The following AXIN1 variants were observed in gnomAD, a reference collection of about 807,000 sequenced individuals.
The protein encoded by AXIN1 is axin 1.
A neutral mutation model predicts 76.4 loss-of-function variants in AXIN1; 30 were observed. The ratio of observed to expected loss-of-function variants is 0.39; its 90% CI spans 0.29 to 0.53. AXIN1 has a LOEUF of 0.53. AXIN1 is among the 20% of genes least tolerant of loss of function. The probability of loss-of-function intolerance (pLI) is 0.66; values close to 1 mark genes in which losing one functional copy is unlikely to be tolerated. For missense variants in AXIN1, 1,140 were observed against 1,198.8 expected (o/e 0.95, Z 0.72); for synonymous variants, 545 against 501.4 (o/e 1.09, Z -1.16).
At chr16:311,055 C>T (rs142425406) in intron 3 of AXIN1, among the ~76,000 whole-genome samples, 1,785 of 152,140 alleles carry the variant, frequency 0.012, 20 homozygotes, top group Non-Finnish European at 0.017. Context: ...CTTTTTGAGA[C>T]GGAGTCTTGC....
chr16:320,165 G>C (rs1190405918), intron 2 of AXIN1, among the ~76,000 whole-genome samples: 1 of 152,044 alleles, frequency 6.6e-6, no homozygotes, highest in East Asian at 1.9e-4. Context: ...TCCCACCTTA[G>C]CTTCCCAGGT....
At position 334,387 on chromosome 16, in the gene AXIN1, A is replaced by T. The variant is rs1420550040; in HGVS notation, c.878+11761T>A. Reference sequence around the variant, plus strand: ...ATAACACAGCACCCAGTACCACAGCATGCCAATAACCCAGCACCCAGTACC... The same window carrying T: ...ATAACACAGCACCCAGTACCACAGCTTGCCAATAACCCAGCACCCAGTACC... On this transcript the variant is annotated intron_variant, in intron 2 of 10. Coordinates refer to ENST00000262320, the MANE Select transcript of AXIN1 (RefSeq NM_003502.4). Among the ~76,000 whole-genome samples the T allele has an allele frequency of 2.0e-5, 3 of 150,720 alleles. 1 individual carries two copies. Among genetic ancestry groups the T allele is most frequent in the African/African-American group, 7.4e-5 (3 of 40,804 alleles).
intron 10 of AXIN1, 121 bp from the exon 11 acceptor site, chr16:288,369 C>T: frequency 1.4e-6 from 2 of 1,443,166 alleles, no homozygotes; most frequent in South Asian, 1.2e-5. Flanking sequence ...TGCCCCACGG[C>T]CCCCACTGCA....
intron 2 of AXIN1, among the ~76,000 whole-genome samples, 189 bp downstream of exon 2, chr16:345,959 A>G (rs2054024713): frequency 6.6e-6 from 1 of 152,260 alleles, no homozygotes; most frequent in Non-Finnish European, 1.5e-5. Context: ...AGTGTTCTCA[A>G]CATTACAAAT....
chr16:298,902 G>A (rs932496272), intron 5 of AXIN1, among the ~76,000 whole-genome samples: 2 of 152,096 alleles, frequency 1.3e-5, no homozygotes, highest in African/African-American at 4.8e-5. Context: ...CCAAGTAGCT[G>A]AGACTACAGG....
Position 328,589 on chromosome 16 carries a change from G to A in AXIN1, c.879-13906C>T, listed in dbSNP as rs369085194. Among the ~76,000 whole-genome samples the A allele has an allele frequency of 2.2e-4, 34 of 151,580 alleles. No individual in the cohort carries two copies. The East Asian group carries it at 2.7e-3, about 12-fold the overall frequency. On this transcript the variant is annotated intron_variant, in intron 2 of 10. Transcript: ENST00000262320. ...CACATGTCTGTAATCCCAGCTACTC[G>A]GGAGGCTGAAGCGGGAGAATCACCT... is the stretch of plus-strand genomic sequence containing the variant.
At chr16:336,166 C>T (rs1287208469) in intron 2 of AXIN1, among the ~76,000 whole-genome samples, 4 of 152,086 alleles carry the variant, frequency 2.6e-5, no homozygotes, top group African/African-American at 4.8e-5. Flanking sequence ...ACCCAGGAGG[C>T]GGAGGTTGCA....
chr16:351,132 C>CA (rs71391129), intron 1 of AXIN1, among the ~76,000 whole-genome samples: 3,142 of 111,290 alleles, frequency 0.028, 200 homozygotes, highest in East Asian at 0.26. Context: ...AACTCTGTCT[C>CA]AAAAAAAAAA....
intron 3 of AXIN1, among the ~76,000 whole-genome samples, chr16:313,816 T>C (rs59493317): frequency 0.21 from 31,304 of 152,154 alleles, 3,558 homozygotes; most frequent in African/African-American, 0.31. Flanking sequence ...GAAGAGGTCA[T>C]AAAACAAGCA....
intron 3 of AXIN1, among the ~76,000 whole-genome samples, chr16:311,663 C>T (rs1023464012): frequency 2.0e-5 from 3 of 151,950 alleles, no homozygotes; most frequent in Admixed American, 6.6e-5. Flanking sequence ...CCCAGCTACT[C>T]GGGAGGCTGA....
chr16:297,915 G>A lies in AXIN1; in HGVS notation c.1591C>T (p.His531Tyr). The change falls in exon 6 of 11, where the codon CAC becomes TAC. Residue 531 changes from histidine to tyrosine, a missense_variant. Transcript: ENST00000262320. ...GAKLDAAGLH[H>Y]HRHVHHHVHH... ...ACGTGGTGGTGGACGTGTCGGTGGTGGTGCAGGCCGGCCGCGTCCAGCTTC... is the reference window on the plus strand; with the variant it reads ...ACGTGGTGGTGGACGTGTCGGTGGTAGTGCAGGCCGGCCGCGTCCAGCTTC... The A allele has an allele frequency of 2.5e-6, 4 of 1,596,900 alleles. No individual in the cohort carries two copies. Among genetic ancestry groups the A allele is most frequent in the Non-Finnish European group, 3.4e-6 (4 of 1,171,114 alleles).
chr16:313,218 C>T (rs2053222821), intron 3 of AXIN1, among the ~76,000 whole-genome samples: 1 of 152,282 alleles, frequency 6.6e-6, no homozygotes, highest in East Asian at 1.9e-4. Context: ...GGCAGAATTG[C>T]TTGGGACCAG....
rs1249674216 is a variant in AXIN1 at position 297,993 on chromosome 16, C to A, written c.1513G>T (p.Ala505Ser). 6.2e-7 allele frequency: 1 copy of A among 1,600,982 alleles called. No individual in the cohort carries two copies. The highest frequency in any genetic ancestry group is 8.5e-7 in the Non-Finnish European group (1 of 1,178,452). ...DSGHVAKMPV[A>S]LGGAASGHGK... is the part of the protein sequence containing the mutation. ...TGCCCCGAGGCGGCACCCCCCAGTG[C>A]CACTGGCATCTTGGCCACGTGCCCA... The change falls in exon 6 of 11, where the codon GCA becomes TCA. Residue 505 changes from alanine to serine, a missense_variant. Ala to Ser is a moderately conservative substitution (Grantham distance 99). Around this residue, in one of 3 missense-constraint regions of AXIN1, gnomAD observed 708 missense variants for 776.9 expected, o/e 0.91. Coordinates refer to ENST00000262320, the MANE Select transcript of AXIN1 (RefSeq NM_003502.4).
At position 287,491 on chromosome 16, in the gene AXIN1, ATAAT is replaced by A. The variant is rs3833913; in HGVS notation, c.*627_*630del. On this transcript the variant is annotated 3_prime_UTR_variant, in exon 11 of 11. Transcript: ENST00000262320. ...TTATTATCCAAGTACCTTTGAAAAG[ATAAT>A]TAATTGTACAAGTGTCATCGCATGA... is the stretch of plus-strand genomic sequence containing the variant. 0.22 allele frequency: 78,142 copies of A among 362,492 alleles called. 10,065 individuals carry two copies. Among genetic ancestry groups the A allele is most frequent in the African/African-American group, 0.4 (19,552 of 48,842 alleles). The allele number at this position is 362,492 out of a possible 1,614,324, so 22.5% of individuals were successfully genotyped here. A position where few individuals can be genotyped will look rare whatever the true frequency, so the allele number is the denominator to read the frequency against.
intron 4 of AXIN1, among the ~76,000 whole-genome samples, chr16:306,826 A>G (rs1220372037): frequency 6.6e-6 from 1 of 152,220 alleles, no homozygotes; most frequent in Non-Finnish European, 1.5e-5. Flanking sequence ...CCCGGAGCCA[A>G]GGAGGAGCAT....
chr16:289,773 G>A lies in AXIN1; in HGVS notation c.2295-166C>T. ...CAGCCCCCGCACAGCATCTCAATCT[G>A]GGATCTAGTCCGCTAGCAGTGGAGT... On this transcript the variant is annotated intron_variant, in intron 9 of 10. Transcript: ENST00000262320. The A allele has an allele frequency of 7.3e-6, 6 of 826,360 alleles. No individual in the cohort carries two copies. In the South Asian group the frequency reaches 8.2e-5, roughly 11 times the overall value. 51.2% of individuals were successfully genotyped at this position (826,360 alleles called of 1,614,324 possible).
At position 297,211 on chromosome 16, in the gene AXIN1, C is replaced by G; in HGVS notation, c.1800G>C (p.Val600=). The G allele has an allele frequency of 6.2e-7, 1 of 1,607,282 alleles. No individual in the cohort carries two copies. Among genetic ancestry groups the G allele is most frequent in the Non-Finnish European group, 8.5e-7 (1 of 1,179,916 alleles). The change falls in exon 7 of 11, where the codon GTG becomes GTC. Residue 600 remains valine (V), a synonymous_variant. Coordinates refer to ENST00000262320, the MANE Select transcript of AXIN1 (RefSeq NM_003502.4). The part of the protein sequence containing the change: ...DGLAHSGKVG[V]ACKRNAKKAE... ...CCTTCTTGGCATTTCTTTTGCACGCCACGCCCACCTTCCCACTGCAAGGGC... is the reference window on the plus strand; with the variant it reads ...CCTTCTTGGCATTTCTTTTGCACGCGACGCCCACCTTCCCACTGCAAGGGC...
Position 346,436 on chromosome 16 carries a change from G to A in AXIN1, c.590C>T (p.Thr197Ile), listed in dbSNP as rs773096813. The A allele has an allele frequency of 1.2e-6, 2 of 1,614,218 alleles. No individual in the cohort carries two copies. The highest frequency in any genetic ancestry group is 1.7e-6 in the Non-Finnish European group (2 of 1,180,048). The part of the protein sequence containing the change: ...TEIQATMEEN[T>I]YPSFLKSDIY... ...ATCAGACTTAAGGAAGGAGGGATAG[G>A]TGTTTTCCTCCATAGTGGCCTGGAT... Residue 197 changes from threonine to isoleucine, a missense_variant, in exon 2 of 11, where the codon ACC becomes ATC. Physicochemically the swap from Thr to Ile is moderately conservative, Grantham distance 89. This residue lies in a region of AXIN1 where 708 missense variants were observed against 776.9 expected (regional missense o/e 0.91). Coordinates refer to ENST00000262320, the MANE Select transcript of AXIN1 (RefSeq NM_003502.4).
chr16:303,365 T>A (rs1437272129), intron 5 of AXIN1, among the ~76,000 whole-genome samples: 2 of 150,666 alleles, frequency 1.3e-5, no homozygotes, highest in Non-Finnish European at 3.0e-5. Context: ...CTAGCAGAAC[T>A]CTGGCTTTGC....
Sources: gnomAD v4.1 joint callset for allele counts (sites outside exome capture counted in the v4.1 genomes callset) on GRCh38, gnomAD v4.1.1 for gene constraint, gnomAD v4.1.1 regional missense constraint, MANE v1.5 for transcripts, NCBI Gene and HGNC (gene_info 2026-07-23, HGNC 2026-07-21) for gene names.